Variants in RTRAF observed in about 807,000 individuals in gnomAD.
The protein encoded by RTRAF is tRNA-splicing ligase complex subunit RTRAF.
In RTRAF, 14 loss-of-function variants were observed where a neutral mutation model predicts 34.4. That is an observed-to-expected ratio of 0.41 (90% CI 0.27 to 0.64). The LOEUF (loss-of-function observed/expected upper bound fraction) is 0.64, where lower values mean the gene tolerates loss of function less well. Ranked by LOEUF, RTRAF falls within the 30% of genes least tolerant of loss-of-function variation. RTRAF has a pLI of 0.34. For missense variants in RTRAF, 291 were observed against 288.4 expected, an observed-to-expected ratio of 1.01 and a Z score of -0.06; for synonymous variants, 96 against 95.3, an observed-to-expected ratio of 1.01 and a Z score of -0.04.
intron 4 of RTRAF, 80 bp downstream of exon 4, chr14:51,998,660 G>T: frequency 1.2e-6 from 1 of 833,800 alleles, no homozygotes; most frequent in Non-Finnish European, 1.9e-6. Flanking sequence ...ATGAAGTCCA[G>T]GTTTACTTGG....
intron 4 of RTRAF, 40 bp from the exon 5 acceptor site, chr14:51,999,668 G>A: frequency 7.5e-7 from 1 of 1,342,186 alleles, no homozygotes; most frequent in South Asian, 1.2e-5. Flanking sequence ...TTATACGTTT[G>A]CAGGGTTGTA....
Position 51,989,612 on chromosome 14 carries a change from C to T in RTRAF, c.-28C>T, listed in dbSNP as rs747158138. On this transcript the variant is annotated 5_prime_UTR_variant, in exon 1 of 8. Transcript: ENST00000261700. ...CGCTTCTTCTCTCCCGGCCGAGGCC[C>T]GGGGGACCAGAGCGAGAAGCGGGGA... 2 of 1,588,450 alleles carry T rather than the reference C, an allele frequency of 1.3e-6. No individual in the cohort carries two copies. Among genetic ancestry groups the T allele is most frequent in the East Asian group, 2.3e-5 (1 of 42,792 alleles).
Position 52,004,663 on chromosome 14 carries a change from GCTTTTTT to G in RTRAF, c.*152_*158del, listed in dbSNP as rs990185302. 1.1e-5 allele frequency: 7 copies of G among 657,304 alleles called. No individual in the cohort carries two copies. Among genetic ancestry groups the G allele is most frequent in the Admixed American group, 3.5e-5 (1 of 28,644 alleles). 40.7% of individuals were successfully genotyped at this position (657,304 alleles called of 1,614,324 possible). A position where few individuals can be genotyped will look rare whatever the true frequency, so the allele number is the denominator to read the frequency against. ...TAGAGATTTACCACCATTGCTTATT[GCTTTTTT>G]CTTTAATAAAGTTTAGGAAAGTAGA... On this transcript the variant is annotated 3_prime_UTR_variant, in exon 8 of 8. Transcript: ENST00000261700.
At position 51,989,650 on chromosome 14, in the gene RTRAF, G is replaced by A. The variant is rs558581242; in HGVS notation, c.11G>A (p.Arg4His). MFR[R>H]KLTALDYHNP... ...CGAGAAGCGGGGACCATGTTCCGAC[G>A]CAAGTTGACGGCTCTCGACTACCAC... The change falls in exon 1 of 8, where the codon CGC (arginine) becomes CAC (histidine). Residue 4 changes from arginine to histidine, a missense_variant. Arg to His is a conservative substitution (Grantham distance 29, BLOSUM62 0). Transcript: ENST00000261700. The A allele has an allele frequency of 1.1e-4, 171 of 1,605,826 alleles. No homozygotes were observed. Among genetic ancestry groups the A allele is most frequent in the Non-Finnish European group, 1.4e-4 (160 of 1,176,564 alleles).
chr14:52,003,195 A>G (rs1197814518), intron 6 of RTRAF, among the ~76,000 whole-genome samples: 2 of 152,210 alleles, frequency 1.3e-5, no homozygotes, highest in Non-Finnish European at 2.9e-5. Flanking sequence ...TAGTGTACTT[A>G]TAAGCATTTA....
chr14:51,993,074 T>C (rs1415507981), intron 2 of RTRAF, among the ~76,000 whole-genome samples: 1 of 151,904 alleles, frequency 6.6e-6, no homozygotes, highest in Non-Finnish European at 1.5e-5. Context: ...TATGTACATA[T>C]ACACACACGT....
rs1457707835 is a variant in RTRAF, at chr14:52,006,166, A to AT, written c.*1651dup. 2.5e-6 allele frequency: 1 copy of AT among 405,634 alleles called. No homozygotes were observed. The highest frequency in any genetic ancestry group is 4.6e-6 in the Non-Finnish European group (1 of 217,868). 25.1% of individuals were successfully genotyped at this position (405,634 alleles called of 1,614,324 possible). On this transcript the variant is annotated 3_prime_UTR_variant, in exon 8 of 8. Transcript: ENST00000261700. ...AGTATTTTTCGGTCCCTCAGACAAT[A>AT]TGTCCACAGTGTCAAAAGCCAACTT...
chr14:51,999,776 G>T lies in RTRAF; in HGVS notation c.442G>T (p.Asp148Tyr). The T allele has an allele frequency of 6.2e-7, 1 of 1,609,676 alleles. No individual in the cohort carries two copies. Among genetic ancestry groups the T allele is most frequent in the Non-Finnish European group, 8.5e-7 (1 of 1,176,846 alleles). The change falls in exon 5 of 8, where the codon GAT (aspartate) becomes TAT (tyrosine). Residue 148 changes from aspartate (D) to tyrosine (Y), a missense_variant. Coordinates refer to ENST00000261700, the MANE Select transcript of RTRAF (RefSeq NM_016039.3). ...CCTGCTTCAGATTCAGCGTCATGAT[G>T]ATTACCTGGTAATGCTTAAGGTCAG... is the stretch of plus-strand genomic sequence containing the variant. ...ANLLQIQRHDDYLVMLKAIRI... is the reference protein window; with the variant it reads ...ANLLQIQRHDYYLVMLKAIRI...
chr14:51,999,336 C>G (rs1016285877), intron 4 of RTRAF: 2 of 167,316 alleles, frequency 1.2e-5, no homozygotes, highest in East Asian at 1.7e-4. Context: ...GTCAAAAATG[C>G]ATTTAATACC....
At position 52,005,747 on chromosome 14, in the gene RTRAF, G is replaced by T; in HGVS notation, c.*1231G>T. 6.2e-7 allele frequency: 1 copy of T among 1,612,504 alleles called. No individual in the cohort carries two copies. The highest frequency in any genetic ancestry group is 8.5e-7 in the Non-Finnish European group (1 of 1,178,508). ...AAGCATACTTTTTACCTGTTGGGCA[G>T]TAGGGGTAGACTGCAGTTATCCCGT... On this transcript the variant is annotated 3_prime_UTR_variant, in exon 8 of 8. Transcript: ENST00000261700.
At position 52,001,218 on chromosome 14, in the gene RTRAF, A is replaced by AT. The variant is rs1009476840; in HGVS notation, c.463-573dup. ...TTGTCATCTTCCTAATTAAAATTCC[A>AT]TTTTTTTAAAATTTGATTTTTAAGT... On this transcript the variant is annotated intron_variant, in intron 5 of 7. Transcript: ENST00000261700. 7.3e-5 allele frequency among the ~76,000 whole-genome samples: 11 copies of AT among 151,450 alleles called. No homozygotes were observed. In the Admixed American group the frequency reaches 7.3e-4, roughly 10 times the overall value.
At chr14:51,991,137 T>A (rs1890427809) in intron 1 of RTRAF, among the ~76,000 whole-genome samples, 180 bp from the exon 2 acceptor site, 1 of 152,198 alleles carries the variant, frequency 6.6e-6, no homozygotes, top group African/African-American at 2.4e-5. Context: ...TTTGAACAGA[T>A]CATTGTTAAT....
In RTRAF at chr14:52,007,516, TAA is replaced by T. The variant is rs1238562052; in HGVS notation, c.*3001_*3002del. 1.7e-5 allele frequency: 6 copies of T among 359,820 alleles called. No homozygotes were observed. The highest frequency in any genetic ancestry group is 4.8e-5 in the Admixed American group (1 of 20,986). The allele number at this position is 359,820 out of a possible 1,614,324, so 22.3% of individuals were successfully genotyped here. ...CTCCCCGCATAAGAATAACTTCACT[TAA>T]GTTTGTCAATTCAACAATGGCTAAT... On this transcript the variant is annotated 3_prime_UTR_variant, in exon 8 of 8. Coordinates refer to ENST00000261700, the MANE Select transcript of RTRAF (RefSeq NM_016039.3).
At chr14:51,990,732 C>T (rs1293653625) in intron 1 of RTRAF, among the ~76,000 whole-genome samples, 1 of 152,144 alleles carries the variant, frequency 6.6e-6, no homozygotes, top group African/African-American at 2.4e-5. Context: ...TTAAACGAAA[C>T]AATTATGCAC....
chr14:52,005,514 G>C lies in RTRAF; in HGVS notation c.*998G>C. 1 of 1,594,006 alleles carries C rather than the reference G, an allele frequency of 6.3e-7. No homozygotes were observed. The highest frequency in any genetic ancestry group is 8.5e-7 in the Non-Finnish European group (1 of 1,172,620). ...CTTTCTTCCTGTGAGAGAAGAGCAGGGGTGGGACAGGGTGGTGGGTGAGTA... is the reference window on the plus strand; with the variant it reads ...CTTTCTTCCTGTGAGAGAAGAGCAGCGGTGGGACAGGGTGGTGGGTGAGTA... On this transcript the variant is annotated 3_prime_UTR_variant, in exon 8 of 8. Coordinates refer to ENST00000261700, the MANE Select transcript of RTRAF (RefSeq NM_016039.3).
At chr14:52,003,478 G>C (rs551809050) in intron 6 of RTRAF, among the ~76,000 whole-genome samples, 2 of 152,120 alleles carry the variant, frequency 1.3e-5, no homozygotes, top group Non-Finnish European at 2.9e-5. Context: ...ATAGTAACAG[G>C]TTGTAACATT....
intron 3 of RTRAF, among the ~76,000 whole-genome samples, chr14:51,994,708 T>C (rs956392169): frequency 2.6e-5 from 4 of 152,304 alleles, no homozygotes; most frequent in Non-Finnish European, 4.4e-5. Context: ...CAGTTACATA[T>C]TCATATTAAT....
intron 1 of RTRAF, among the ~76,000 whole-genome samples, chr14:51,990,456 T>G (rs1328891468): frequency 6.6e-6 from 1 of 152,356 alleles, no homozygotes; most frequent in East Asian, 1.9e-4. Flanking sequence ...AAGTATAACT[T>G]GTGATACTCA....
rs115092529 is a variant in RTRAF at position 51,998,889 on chromosome 14, A to G, written c.373+309A>G. The stretch of plus-strand genomic sequence containing the variant: ...AAATTTCTTTTAATCCAATGACTCT[A>G]TCAGACAAGTGGTAAAATTTTCCAT... On this transcript the variant is annotated intron_variant, in intron 4 of 7. Coordinates refer to ENST00000261700, the MANE Select transcript of RTRAF (RefSeq NM_016039.3). 8.8e-3 allele frequency among the ~76,000 whole-genome samples: 1,340 copies of G among 152,076 alleles called. 17 individuals are homozygous for G. Among genetic ancestry groups the G allele is most frequent in the African/African-American group, 0.031 (1,285 of 41,526 alleles).
Sources: allele counts gnomAD v4.1 joint callset (sites outside exome capture counted in the v4.1 genomes callset), GRCh38; gene constraint gnomAD v4.1.1; transcripts MANE v1.5; gene names NCBI Gene and HGNC (gene_info 2026-07-23, HGNC 2026-07-21).